FAM184B: variants seen among roughly 807,000 people sequenced by gnomAD.
FAM184B encodes protein FAM184B.
Under a neutral mutation model 135.9 loss-of-function variants are expected in FAM184B, and 111 were observed. That is an observed-to-expected ratio of 0.82 (90% CI 0.70 to 0.96). The LOEUF (loss-of-function observed/expected upper bound fraction) is 0.96. FAM184B is among the 40% of genes least tolerant of loss of function. The probability of loss-of-function intolerance (pLI) is 0.00; values close to 1 mark genes in which losing one functional copy is unlikely to be tolerated. For missense variants in FAM184B, 1,375 were observed against 1,323.9 expected, an observed-to-expected ratio of 1.04 and a Z score of -0.60; for synonymous variants, 552 against 524.8, an observed-to-expected ratio of 1.05 and a Z score of -0.71.
chr4:17,712,744 A>G (rs189989519), intron 1 of FAM184B, among the ~76,000 whole-genome samples: 182 of 151,076 alleles, frequency 1.2e-3, no homozygotes, highest in Middle Eastern at 6.8e-3. Flanking sequence ...GAGTTTAGAA[A>G]ACAAAAAAAA....
chr4:17,775,257 C>G (rs1718903215), intron 1 of FAM184B, among the ~76,000 whole-genome samples: 1 of 152,100 alleles, frequency 6.6e-6, no homozygotes, highest in African/African-American at 2.4e-5. Context: ...GCTGTCTTGG[C>G]TCACTGCAAC....
rs756820965 is a variant in FAM184B at position 17,781,113 on chromosome 4, G to A, written c.141+46C>T. ...CGCATCCGCACTGACTCCCGGCTCG[G>A]GCGCCCCGGGCGTGCAGCTCGCTGG... On this transcript the variant is annotated intron_variant, in intron 1 of 17. Transcript: ENST00000265018. This position sits in a 1 kb window ranked among gnomAD's most constrained non-coding sequence, Gnocchi z 6.5. 3 of 1,462,886 alleles carry A rather than the reference G, an allele frequency of 2.1e-6. No individual in the cohort carries two copies. Among genetic ancestry groups the A allele is most frequent in the Non-Finnish European group, 1.8e-6 (2 of 1,105,552 alleles). 90.6% of individuals were successfully genotyped at this position (1,462,886 alleles called of 1,614,324 possible).
At chr4:17,636,162 G>A (rs1715128579) in intron 15 of FAM184B, among the ~76,000 whole-genome samples, 1 of 152,058 alleles carries the variant, frequency 6.6e-6, no homozygotes, top group South Asian at 2.1e-4. Context: ...CTGGAGTGCA[G>A]TGGCGCTATG....
At chr4:17,774,095 G>A (rs1718874483) in intron 1 of FAM184B, among the ~76,000 whole-genome samples, 1 of 152,204 alleles carries the variant, frequency 6.6e-6, no homozygotes, top group Non-Finnish European at 1.5e-5. Flanking sequence ...AACCAGGTAA[G>A]GCCGAGAGTG....
At chr4:17,744,381 A>G (rs1718110391) in intron 1 of FAM184B, among the ~76,000 whole-genome samples, 1 of 151,778 alleles carries the variant, frequency 6.6e-6, no homozygotes. Flanking sequence ...CCTGGAGTAG[A>G]AGAGCTGAAG....
At chr4:17,665,435 A>G (rs1331572415) in intron 7 of FAM184B, among the ~76,000 whole-genome samples, 2 of 152,240 alleles carry the variant, frequency 1.3e-5, no homozygotes, top group African/African-American at 4.8e-5. Flanking sequence ...CCATGAAAAC[A>G]GTATAAGACA....
chr4:17,691,984 C>T lies in FAM184B; in HGVS notation c.1488+1318G>A, dbSNP rs190921117. On this transcript the variant is annotated intron_variant, in intron 6 of 17. Coordinates refer to ENST00000265018, the MANE Select transcript of FAM184B (RefSeq NM_015688.2). ...AGGAGAATCGCTTGAACCCGGGAGG[C>T]GGAGGTTGCAGTGAGCTGAGATTGC... 5.2e-4 allele frequency among the ~76,000 whole-genome samples: 77 copies of T among 148,312 alleles called. 1 individual carries two copies. In the East Asian group the frequency reaches 0.014, roughly 27 times the overall value.
chr4:17,681,230 T>C (rs1716425627), intron 7 of FAM184B, among the ~76,000 whole-genome samples: 1 of 152,182 alleles, frequency 6.6e-6, no homozygotes, highest in African/African-American at 2.4e-5. Context: ...AAGAGTCTCA[T>C]AGGGTGGTTT....
chr4:17,768,715 C>T (rs1217860335), intron 1 of FAM184B, among the ~76,000 whole-genome samples: 1 of 152,138 alleles, frequency 6.6e-6, no homozygotes, highest in African/African-American at 2.4e-5. Flanking sequence ...TCACATTTTT[C>T]CTACTTTTCT....
intron 9 of FAM184B, among the ~76,000 whole-genome samples, chr4:17,659,196 C>T (rs1477350914): frequency 6.6e-6 from 1 of 151,088 alleles, no homozygotes; most frequent in Non-Finnish European, 1.5e-5. Context: ...GCCTCGAACT[C>T]CCAAGCTCAA....
intron 1 of FAM184B, among the ~76,000 whole-genome samples, chr4:17,762,929 T>A (rs2108993288): frequency 6.6e-6 from 1 of 152,324 alleles, no homozygotes; most frequent in South Asian, 2.1e-4. Context: ...CTGCCCTGAC[T>A]TTTGAATCAC....
intron 5 of FAM184B, among the ~76,000 whole-genome samples, chr4:17,700,167 G>A (rs956964384): frequency 2.0e-5 from 3 of 152,050 alleles, no homozygotes; most frequent in Non-Finnish European, 4.4e-5. Context: ...TGACAAGTAG[G>A]AAAAACAAGA....
At chr4:17,716,473 C>T (rs1258866749) in intron 1 of FAM184B, among the ~76,000 whole-genome samples, 2 of 151,650 alleles carry the variant, frequency 1.3e-5, no homozygotes, top group Non-Finnish European at 2.9e-5. Context: ...CTCCTGAGTA[C>T]CTGGGATTAC....
intron 5 of FAM184B, among the ~76,000 whole-genome samples, chr4:17,701,745 T>C (rs1009877099): frequency 1.3e-5 from 2 of 152,212 alleles, no homozygotes; most frequent in African/African-American, 4.8e-5. Context: ...TCTAGAGCTG[T>C]ACTGACCAAC....
At position 17,758,872 on chromosome 4, in the gene FAM184B, A is replaced by T. The variant is rs552622078; in HGVS notation, c.141+22287T>A. 1.5e-4 allele frequency among the ~76,000 whole-genome samples: 21 copies of T among 143,230 alleles called. No homozygotes were observed. In the East Asian group the frequency reaches 2.2e-3, roughly 15 times the overall value. 94.0% of individuals were successfully genotyped at this position (143,230 alleles called of 152,430 possible). A position where few individuals can be genotyped will look rare whatever the true frequency, so the allele number is the denominator to read the frequency against. On this transcript the variant is annotated intron_variant, in intron 1 of 17. Transcript: ENST00000265018. ...AGATAGCTTACCGAATTTAGGGGGT[A>T]AAAAAAAAAAACCAAGTAAGCTTAA...
rs537730660 is a variant in FAM184B, at chr4:17,769,680, C to A, written c.141+11479G>T. Among the ~76,000 whole-genome samples the A allele has an allele frequency of 5.9e-5, 9 of 152,200 alleles. No homozygotes were observed. In the South Asian group the frequency reaches 1.9e-3, roughly 32 times the overall value. ...TTCAAGGCCAGAACCTTGAATGAGG[C>A]CTCCCCACTCCCCGATAAGATGACC... On this transcript the variant is annotated intron_variant, in intron 1 of 17. Transcript: ENST00000265018.
At position 17,658,360 on chromosome 4, in the gene FAM184B, T is replaced by G. The variant is rs1334799802; in HGVS notation, c.2027A>C (p.Gln676Pro). ...CAGTCATTCCCTCACCTTGAGTTCC[T>G]GATGTCTGGCCTTCTCCAGCATGCG... Reference protein sequence around the residue: ...ALRMLEKARHQELKATEERLK... With the variant: ...ALRMLEKARHPELKATEERLK... Residue 676 changes from glutamine (Q) to proline (P), a missense_variant, in exon 10 of 18, where the codon CAG (glutamine) becomes CCG (proline). By Grantham distance (76) the Gln-to-Pro change is moderately conservative (BLOSUM62 -1). Coordinates refer to ENST00000265018, the MANE Select transcript of FAM184B (RefSeq NM_015688.2). The G allele has an allele frequency of 6.4e-7, 1 of 1,551,632 alleles. No homozygotes were observed.
chr4:17,651,410 C>T (rs1156965670), intron 11 of FAM184B, among the ~76,000 whole-genome samples: 5 of 151,496 alleles, frequency 3.3e-5, no homozygotes, highest in Admixed American at 1.3e-4. Context: ...TGGTGGCGGG[C>T]GCCTGTAGTC....
rs1381109893 is a variant in FAM184B at position 17,641,635 on chromosome 4, C to G, written c.2519+421G>C. Among the ~76,000 whole-genome samples, 9 of 66,494 alleles carry G rather than the reference C, an allele frequency of 1.4e-4. No individual in the cohort carries two copies. The East Asian group carries it at 3.9e-3, about 29-fold the overall frequency. 43.6% of individuals were successfully genotyped at this position (66,494 alleles called of 152,430 possible). A position where few individuals can be genotyped will look rare whatever the true frequency, so the allele number is the denominator to read the frequency against. On this transcript the variant is annotated intron_variant, in intron 13 of 17. Coordinates refer to ENST00000265018, the MANE Select transcript of FAM184B (RefSeq NM_015688.2). ...CTGGGATTACAGGCACACACCACCA[C>G]GCCCGGCCTTTTTTTTTTTTTTTTT...
Sources: allele counts gnomAD v4.1 joint callset (sites outside exome capture counted in the v4.1 genomes callset), GRCh38; gene constraint gnomAD v4.1.1; non-coding constraint Gnocchi (gnomAD v3.1); transcripts MANE v1.5; gene names NCBI Gene and HGNC (gene_info 2026-07-23, HGNC 2026-07-21).